The following AXIN1 variants were observed in gnomAD, a reference collection of about 807,000 sequenced individuals.
AXIN1 encodes axin-1.
AXIN1 carries 30 observed loss-of-function variants against 76.4 expected under a neutral mutation model. That is an observed-to-expected ratio of 0.39 (90% CI 0.29 to 0.53). The LOEUF (loss-of-function observed/expected upper bound fraction) is 0.53, where lower values mean the gene tolerates loss of function less well. Among genes scored for constraint, AXIN1 ranks in the 20% least tolerant of loss-of-function variants. The pLI, the probability that AXIN1 is intolerant of heterozygous loss-of-function variation, is 0.66. For missense variants in AXIN1, 1,140 were observed against 1,198.8 expected, an observed-to-expected ratio of 0.95 and a Z score of 0.72; for synonymous variants, 545 against 501.4, an observed-to-expected ratio of 1.09 and a Z score of -1.16.
intron 2 of AXIN1, among the ~76,000 whole-genome samples, chr16:345,604 C>T (rs1317272769): frequency 6.6e-6 from 1 of 152,042 alleles, no homozygotes; most frequent in Non-Finnish European, 1.5e-5. Context: ...ATCCCAGCTA[C>T]TCAGGAGGCT....
intron 2 of AXIN1, among the ~76,000 whole-genome samples, chr16:325,669 G>C (rs1033780541): frequency 2.6e-5 from 4 of 152,236 alleles, no homozygotes; most frequent in African/African-American, 9.6e-5. Flanking sequence ...CCACAGCGTC[G>C]TGTGTACAAC....
At chr16:296,746 G>T (rs563450559) in intron 7 of AXIN1, among the ~76,000 whole-genome samples, 1 of 152,316 alleles carries the variant, frequency 6.6e-6, no homozygotes, top group South Asian at 2.1e-4. Flanking sequence ...ATTCTCATGT[G>T]GGGGTCAGAC....
Position 297,740 on chromosome 16 carries a change from C to G in AXIN1, c.1766G>C (p.Ser589Thr), listed in dbSNP as rs747857149. The G allele has an allele frequency of 1.3e-6, 2 of 1,599,170 alleles. No individual in the cohort carries two copies. The highest frequency in any genetic ancestry group is 1.3e-5 in the African/African-American group (1 of 74,762). The change falls in exon 6 of 11, where the codon AGT (serine) becomes ACT (threonine). Residue 589 changes from serine (S) to threonine (T), a missense_variant. Around this residue, in one of 3 missense-constraint regions of AXIN1, gnomAD observed 429 missense variants for 405.8 expected, o/e 1.06. Transcript: ENST00000262320. ...CGCTCACCTGTGGGCGAGGCCATCA[C>G]TGGCGTTGGGGGCAGCGCCAACACT... ...SESVGAAPNA[S>T]DGLAHSGKVG...
intron 2 of AXIN1, among the ~76,000 whole-genome samples, chr16:342,643 C>T (rs1432732746): frequency 2.0e-5 from 3 of 152,258 alleles, no homozygotes; most frequent in African/African-American, 7.2e-5. Flanking sequence ...GCGCACGCAC[C>T]GTGACTGTGC....
At chr16:294,646 T>G (rs2052658363) in intron 7 of AXIN1, among the ~76,000 whole-genome samples, 1 of 148,932 alleles carries the variant, frequency 6.7e-6, no homozygotes, top group Non-Finnish European at 1.5e-5. Flanking sequence ...TCCCAGCTAC[T>G]CAGGTGGGTT....
chr16:314,828 C>A, intron 2 of AXIN1, 145 bp from the exon 3 acceptor site: 7 of 1,190,534 alleles, frequency 5.9e-6, no homozygotes, highest in South Asian at 2.7e-5. Context: ...GGAGAAAAGA[C>A]CAACATCTCC....
intron 2 of AXIN1, among the ~76,000 whole-genome samples, chr16:316,905 A>C (rs537846114): frequency 3.9e-5 from 6 of 152,280 alleles, no homozygotes; most frequent in African/African-American, 1.4e-4. Flanking sequence ...GTGTCCCCCG[A>C]GGGGTGATGA....
At chr16:347,915 T>C (rs911911319) in intron 1 of AXIN1, among the ~76,000 whole-genome samples, 4 of 152,102 alleles carry the variant, frequency 2.6e-5, no homozygotes, top group Non-Finnish European at 2.9e-5. Flanking sequence ...TAGCAAATAG[T>C]AAATGGGTAC....
intron 2 of AXIN1, among the ~76,000 whole-genome samples, chr16:320,739 A>AT (rs1442116204): frequency 0.025 from 2,330 of 91,746 alleles, 27 homozygotes; most frequent in African/African-American, 0.061. Flanking sequence ...ATATATATAT[A>AT]TATATTTTTT....
At chr16:320,281 A>C (rs2053409801) in intron 2 of AXIN1, among the ~76,000 whole-genome samples, 1 of 152,166 alleles carries the variant, frequency 6.6e-6, no homozygotes, top group Non-Finnish European at 1.5e-5. Context: ...CTTGGGCTCA[A>C]GTCATCTGCC....
rs1292217760 is a variant in AXIN1, at chr16:297,985, C to A, written c.1521G>T (p.Gly507=). The change falls in exon 6 of 11, where the codon GGG becomes GGT. Residue 507 remains glycine (G), a synonymous_variant. Transcript: ENST00000262320. ...GCTTCCCGTGCCCCGAGGCGGCACC[C>A]CCCAGTGCCACTGGCATCTTGGCCA... ...GHVAKMPVAL[G]GAASGHGKHV... The A allele has an allele frequency of 1.2e-6, 2 of 1,601,680 alleles. No homozygotes were observed. Among genetic ancestry groups the A allele is most frequent in the Middle Eastern group, 1.7e-4 (1 of 6,048 alleles).
intron 2 of AXIN1, among the ~76,000 whole-genome samples, chr16:324,865 G>A (rs2053544820): frequency 6.6e-6 from 1 of 152,212 alleles, no homozygotes; most frequent in Admixed American, 6.5e-5. Flanking sequence ...CCCGCGCAGG[G>A]AAAGGCTCTG....
chr16:299,539 G>C (rs902129091), intron 5 of AXIN1, among the ~76,000 whole-genome samples: 2 of 151,876 alleles, frequency 1.3e-5, no homozygotes, highest in African/African-American at 4.8e-5. Flanking sequence ...ATTTTTAGTA[G>C]AGACGGGGTT....
chr16:294,755 C>CAAAAA (rs1015576394), intron 7 of AXIN1, among the ~76,000 whole-genome samples: 1 of 24,754 alleles, frequency 4.0e-5, no homozygotes, highest in Admixed American at 5.3e-4. Context: ...AACCCCATCT[C>CAAAAA]AAAAAAAAAA....
intron 2 of AXIN1, among the ~76,000 whole-genome samples, chr16:330,265 T>G (rs2053668164): frequency 6.6e-6 from 1 of 151,984 alleles, no homozygotes; most frequent in African/African-American, 2.4e-5. Flanking sequence ...GGTCTCCCTA[T>G]GTTGCCCAGG....
chr16:339,580 G>T (rs968587856), intron 2 of AXIN1, among the ~76,000 whole-genome samples: 2 of 151,880 alleles, frequency 1.3e-5, no homozygotes, highest in Non-Finnish European at 2.9e-5. Flanking sequence ...TACTGGGGAG[G>T]TTGGGGCAGG....
chr16:303,686 C>CCCTTTTTA (rs1295615173), intron 5 of AXIN1, among the ~76,000 whole-genome samples: 1 of 152,182 alleles, frequency 6.6e-6, no homozygotes, highest in Non-Finnish European at 1.5e-5. Context: ...CCGCCCGTTT[C>CCCTTTTTA]CCTTTTTACC....
rs192053460 is a variant in AXIN1, at chr16:320,794, C to T, written c.879-6111G>A. On this transcript the variant is annotated intron_variant, in intron 2 of 10. Coordinates refer to ENST00000262320, the MANE Select transcript of AXIN1 (RefSeq NM_003502.4). ...TCGCTCTTTCGCCCAGACTGGAGTG[C>T]AGTGGCGCGATCTCGGCTCACTACA... Among the ~76,000 whole-genome samples the T allele has an allele frequency of 4.3e-5, 3 of 70,564 alleles. No individual in the cohort carries two copies. In the East Asian group the frequency reaches 8.0e-4, roughly 19 times the overall value. 46.3% of individuals were successfully genotyped at this position (70,564 alleles called of 152,430 possible). A position where few individuals can be genotyped will look rare whatever the true frequency, so the allele number is the denominator to read the frequency against.
chr16:297,289 G>A (rs771986622), intron 6 of AXIN1, 63 bp from the exon 7 acceptor site: 74 of 1,590,512 alleles, frequency 4.7e-5, no homozygotes, highest in Middle Eastern at 1.7e-4. Flanking sequence ...CCCCTTCCTC[G>A]TCTGCGAGGC....
Sources: allele counts gnomAD v4.1 joint callset (sites outside exome capture counted in the v4.1 genomes callset), GRCh38; gene constraint gnomAD v4.1.1; regional missense constraint gnomAD v4.1.1; transcripts MANE v1.5; gene names NCBI Gene and HGNC (gene_info 2026-07-23, HGNC 2026-07-21).